The following MACO1 variants were observed in gnomAD, a reference collection of about 807,000 sequenced individuals.
The protein encoded by MACO1 is macoilin 1.
A neutral mutation model predicts 78.7 loss-of-function variants in MACO1; 14 were observed. That is an observed-to-expected ratio of 0.18 (90% confidence interval 0.12 to 0.28). The LOEUF (loss-of-function observed/expected upper bound fraction) is 0.28. Among genes scored for constraint, MACO1 ranks in the 10% least tolerant of loss-of-function variants. The pLI is 1.00. For synonymous variants in MACO1, 288 were observed against 291.6 expected (o/e 0.99, Z 0.12); for missense variants, 501 against 799.0 (o/e 0.63, Z 4.50).
At chr1:25,443,450 A>G (rs181256921) in intron 1 of MACO1, among the ~76,000 whole-genome samples, 291 of 152,328 alleles carry the variant, frequency 1.9e-3, no homozygotes, top group Middle Eastern at 3.4e-3. Flanking sequence ...ACGTTTGTAA[A>G]AGATCAAGTT....
chr1:25,435,427 A>T (rs139172990), intron 1 of MACO1, among the ~76,000 whole-genome samples: 208 of 152,306 alleles, frequency 1.4e-3, no homozygotes, highest in African/African-American at 4.9e-3. Flanking sequence ...GTGACTTTTT[A>T]AAGTGATTAA....
chr1:25,458,613 A>C lies in MACO1; in HGVS notation c.875A>C (p.His292Pro). ...KIQEIEYMEN[H>P]INSKRLNNDL... is the part of the protein sequence containing the mutation. ...CAAGAGATTGAGTATATGGAAAACC[A>C]TATCAATAGTAAAAGATTAAATAAT... The change falls in exon 6 of 11, where the codon CAT becomes CCT. Residue 292 changes from histidine to proline, a missense_variant. This residue lies in a region of MACO1 where 90 missense variants were observed against 85.7 expected (regional missense o/e 1.05). Coordinates refer to ENST00000374343, the MANE Select transcript of MACO1 (RefSeq NM_018202.6). 1 of 1,614,046 alleles carries C rather than the reference A, an allele frequency of 6.2e-7. No homozygotes were observed. The highest frequency in any genetic ancestry group is 1.1e-5 in the South Asian group (1 of 91,072).
chr1:25,453,903 T>A (rs1350764362), intron 3 of MACO1, among the ~76,000 whole-genome samples: 1 of 152,180 alleles, frequency 6.6e-6, no homozygotes, highest in East Asian at 1.9e-4. Context: ...AATCAGTAGT[T>A]AACATCTTTT....
chr1:25,454,201 C>T (rs986498576), intron 3 of MACO1, 58 bp from the exon 4 acceptor site: 2 of 1,432,048 alleles, frequency 1.4e-6, no homozygotes, highest in Admixed American at 2.4e-5. Context: ...CCCAAACAAT[C>T]CATCTGTTAG....
intron 8 of MACO1, among the ~76,000 whole-genome samples, chr1:25,486,421 A>G (rs954899355): frequency 3.3e-5 from 5 of 152,190 alleles, no homozygotes; most frequent in Non-Finnish European, 5.9e-5. Flanking sequence ...TAGATAGTTA[A>G]GAGCTTTTTT....
At chr1:25,472,685 C>G (rs1444362413) in intron 6 of MACO1, among the ~76,000 whole-genome samples, 6 of 152,126 alleles carry the variant, frequency 3.9e-5, no homozygotes, top group Non-Finnish European at 8.8e-5. Flanking sequence ...AAAATCTGAT[C>G]TTGGTAGACA....
At chr1:25,463,090 G>A (rs1169239941) in intron 6 of MACO1, among the ~76,000 whole-genome samples, 4 of 152,146 alleles carry the variant, frequency 2.6e-5, no homozygotes, top group Non-Finnish European at 4.4e-5. Context: ...CCATCATATA[G>A]TAGTCACTTG....
intron 3 of MACO1, among the ~76,000 whole-genome samples, chr1:25,449,976 G>A (rs1240380361): frequency 1.3e-5 from 2 of 152,108 alleles, no homozygotes; most frequent in African/African-American, 2.4e-5. Context: ...CTGAGACTGC[G>A]CCACTGCACT....
chr1:25,445,356 A>C (rs1167854819), intron 1 of MACO1, among the ~76,000 whole-genome samples: 1 of 151,918 alleles, frequency 6.6e-6, no homozygotes, highest in Non-Finnish European at 1.5e-5. Context: ...CCTTTATGGC[A>C]TACCTCTTAG....
chr1:25,434,354 T>C (rs1370543276), intron 1 of MACO1, among the ~76,000 whole-genome samples: 1 of 152,166 alleles, frequency 6.6e-6, no homozygotes, highest in Non-Finnish European at 1.5e-5. Flanking sequence ...CAATAAATGT[T>C]GAGTGAGTAA....
chr1:25,433,824 G>A (rs981483421), intron 1 of MACO1, among the ~76,000 whole-genome samples: 1 of 152,354 alleles, frequency 6.6e-6, no homozygotes, highest in African/African-American at 2.4e-5. Context: ...ATAAATCCTA[G>A]TGTAGTTTAC....
chr1:25,469,048 G>T (rs188649759), intron 6 of MACO1, among the ~76,000 whole-genome samples: 103 of 151,980 alleles, frequency 6.8e-4, no homozygotes, highest in African/African-American at 2.4e-3. Flanking sequence ...TCACCATGTT[G>T]CCCAGGCTGG....
At chr1:25,497,193 C>G (rs2043545163) in intron 10 of MACO1, among the ~76,000 whole-genome samples, 1 of 151,942 alleles carries the variant, frequency 6.6e-6, no homozygotes, top group South Asian at 2.1e-4. Context: ...CCAGCCTGAC[C>G]AACATGGAGA....
chr1:25,431,793 C>T (rs1031192464), intron 1 of MACO1, among the ~76,000 whole-genome samples: 4 of 152,236 alleles, frequency 2.6e-5, no homozygotes, highest in African/African-American at 9.6e-5. Flanking sequence ...CAAATCATGC[C>T]CTGTGGCCCT....
intron 5 of MACO1, 86 bp from the exon 6 acceptor site, chr1:25,458,305 T>C: frequency 6.7e-7 from 1 of 1,493,152 alleles, no homozygotes; most frequent in Non-Finnish European, 8.9e-7. Context: ...GTGTAGATAA[T>C]AGTTTGTTGA....
Position 25,484,112 on chromosome 1 carries a change from C to G in MACO1, c.1155-4C>G, listed in dbSNP as rs112557120. On this transcript the variant is annotated splice_region_variant and splice_polypyrimidine_tract_variant and intron_variant, in intron 6 of 10. Transcript: ENST00000374343. ...TGAAAATGCTGCATTTCTCATTCTC[C>G]TAGGCTGGAACAAGACATTAAAAAG... 6.2e-7 allele frequency: 1 copy of G among 1,606,274 alleles called. No individual in the cohort carries two copies. The highest frequency in any genetic ancestry group is 8.5e-7 in the Non-Finnish European group (1 of 1,177,274).
intron 1 of MACO1, among the ~76,000 whole-genome samples, chr1:25,438,093 A>C (rs1042971691): frequency 2.0e-5 from 3 of 152,220 alleles, no homozygotes; most frequent in African/African-American, 7.2e-5. Context: ...AAAGGTCTGT[A>C]TAGACCACAG....
chr1:25,473,353 T>A (rs568697183), intron 6 of MACO1, among the ~76,000 whole-genome samples: 20 of 152,284 alleles, frequency 1.3e-4, no homozygotes, highest in African/African-American at 4.8e-4. Flanking sequence ...AAACTAGGCA[T>A]AAGTGAATTT....
chr1:25,499,439 G>T lies in MACO1; in HGVS notation c.*973G>T, dbSNP rs966454902. 6.6e-6 allele frequency: 1 copy of T among 151,146 alleles called. No homozygotes were observed. Among genetic ancestry groups the T allele is most frequent in the African/African-American group, 2.4e-5 (1 of 41,020 alleles). 9.4% of individuals were successfully genotyped at this position (151,146 alleles called of 1,614,324 possible). On this transcript the variant is annotated 3_prime_UTR_variant, in exon 11 of 11. Coordinates refer to ENST00000374343, the MANE Select transcript of MACO1 (RefSeq NM_018202.6). The stretch of plus-strand genomic sequence containing the variant: ...ATGGCTAATAAAAGCTGCGGGTCTA[G>T]GTTTTTTTTTTTTTGTTTTGTTTTT...
Sources: allele counts gnomAD v4.1 joint callset (sites outside exome capture counted in the v4.1 genomes callset), GRCh38; gene constraint gnomAD v4.1.1; regional missense constraint gnomAD v4.1.1; transcripts MANE v1.5; gene names NCBI Gene and HGNC (gene_info 2026-07-23, HGNC 2026-07-21).